Variants in ALG14 observed in about 807,000 individuals in gnomAD.
ALG14 encodes the protein ALG14 UDP-N-acetylglucosaminyltransferase subunit, also known as UDP-N-acetylglucosamine transferase subunit ALG14.
In ALG14, 17 loss-of-function variants were observed where a neutral mutation model predicts 22.8. The ratio of observed to expected loss-of-function variants is 0.75; its 90% CI spans 0.51 to 1.12. The LOEUF is 1.12. Ranked by LOEUF, ALG14 falls within the 50% of genes most tolerant of loss-of-function variation. ALG14 has a pLI of 0.00. For missense variants in ALG14, 288 were observed against 271.8 expected (o/e 1.06, Z -0.42); for synonymous variants, 89 against 103.7 (o/e 0.86, Z 0.86).
intron 3 of ALG14, among the ~76,000 whole-genome samples, chr1:95,023,621 G>A (rs1673727726): frequency 1.3e-5 from 2 of 152,134 alleles, no homozygotes; most frequent in South Asian, 2.1e-4. Flanking sequence ...GGTTGAAATG[G>A]TCCATTTCCT....
rs11165298 is a variant in ALG14, at chr1:95,072,859, C to T, written c.40G>A (p.Val14Met). 1.4e-4 allele frequency: 229 copies of T among 1,614,186 alleles called. No homozygotes were observed. In the African/African-American group the frequency reaches 2.8e-3, roughly 20 times the overall value. Residue 14 changes from valine (V) to methionine (M), a missense_variant, in exon 1 of 4, where the codon GTG becomes ATG. By Grantham distance (21) the Val-to-Met change is conservative. Coordinates refer to ENST00000370205, the MANE Select transcript of ALG14 (RefSeq NM_144988.4). ...VLVLAAAAGAVAVFLILRIWV... is the reference protein window; with the variant it reads ...VLVLAAAAGAMAVFLILRIWV... ...ATTCGCAGGATTAGGAAAACCGCCA[C>T]AGCTCCTGCGGCCGCAGCTAGAACG...
In ALG14 at chr1:94,983,084, T is replaced by C. The variant is rs1321578016; in HGVS notation, c.643A>G (p.Ile215Val). The C allele has an allele frequency of 1.2e-6, 2 of 1,613,890 alleles. No individual in the cohort carries two copies. Among genetic ancestry groups the C allele is most frequent in the African/African-American group, 2.7e-5 (2 of 74,910 alleles). The change falls in exon 4 of 4, where the codon ATT becomes GTT. Residue 215 changes from isoleucine to valine, a missense_variant. By Grantham distance (29) the Ile-to-Val change is conservative (BLOSUM62 3). Transcript: ENST00000370205. ...AAGTCAGTTGCCATTTGTCAAACAA[T>C]TCGCCCAAGGTACACCGATTTGGGA... ...KYPKSVYLGR[I>V]V
At chr1:95,013,434 C>T (rs1673424008) in intron 3 of ALG14, among the ~76,000 whole-genome samples, 2 of 152,048 alleles carry the variant, frequency 1.3e-5, no homozygotes, top group East Asian at 1.9e-4. Flanking sequence ...ATTCTCCTGC[C>T]TCAGCCTCCT....
At chr1:95,004,086 G>A (rs1000498991) in intron 3 of ALG14, among the ~76,000 whole-genome samples, 9 of 151,988 alleles carry the variant, frequency 5.9e-5, no homozygotes, top group East Asian at 1.9e-4. Context: ...AGGTGGCCAC[G>A]ATTATCCTCA....
At chr1:95,058,814 G>A (rs1675033146) in intron 2 of ALG14, among the ~76,000 whole-genome samples, 1 of 151,786 alleles carries the variant, frequency 6.6e-6, no homozygotes, top group African/African-American at 2.4e-5. Context: ...ATGTTATGAT[G>A]AGATTTAATT....
chr1:95,052,159 A>G (rs550568535), intron 2 of ALG14, among the ~76,000 whole-genome samples: 1 of 152,364 alleles, frequency 6.6e-6, no homozygotes, highest in East Asian at 1.9e-4. Context: ...GTAAACAAAC[A>G]AAAACATGAA....
At chr1:95,061,480 T>TGAGAGA (rs145444454) in intron 2 of ALG14, 13 of 148,076 alleles carry the variant, frequency 8.8e-5, no homozygotes, top group African/African-American at 2.7e-4. Flanking sequence ...CAAACAGCCT[T>TGAGAGA]GAGAGAGAGA....
chr1:95,005,967 AT>A (rs1345752914), intron 3 of ALG14, among the ~76,000 whole-genome samples: 1 of 152,038 alleles, frequency 6.6e-6, no homozygotes, highest in Non-Finnish European at 1.5e-5. Context: ...GAAAGGCAAA[AT>A]TTTTTTTGCA....
intron 3 of ALG14, among the ~76,000 whole-genome samples, chr1:94,998,034 G>A (rs912933792): frequency 2.0e-5 from 3 of 152,164 alleles, no homozygotes; most frequent in Non-Finnish European, 4.4e-5. Context: ...AGAGGTGGTG[G>A]TGGCAGAATA....
intron 2 of ALG14, among the ~76,000 whole-genome samples, chr1:95,037,844 A>C (rs1251013491): frequency 2.6e-5 from 4 of 152,186 alleles, no homozygotes; most frequent in Non-Finnish European, 5.9e-5. Flanking sequence ...CTAAGCATGG[A>C]TTCATTCACT....
At chr1:95,011,223 T>C (rs1673350949) in intron 3 of ALG14, among the ~76,000 whole-genome samples, 1 of 152,136 alleles carries the variant, frequency 6.6e-6, no homozygotes, top group African/African-American at 2.4e-5. Context: ...GATTAGGTCA[T>C]AAGGGTGGGA....
chr1:94,994,194 T>C (rs1201883941), intron 3 of ALG14, among the ~76,000 whole-genome samples: 1 of 152,230 alleles, frequency 6.6e-6, no homozygotes, highest in African/African-American at 2.4e-5. Flanking sequence ...ACCGAATCTT[T>C]TAGTTTTCCT....
intron 2 of ALG14, among the ~76,000 whole-genome samples, chr1:95,028,383 T>G (rs915215119): frequency 6.6e-6 from 1 of 152,180 alleles, no homozygotes; most frequent in East Asian, 1.9e-4. Flanking sequence ...TTTTTTTGTA[T>G]AGACAGGTTC....
chr1:95,046,595 C>T (rs1674563673), intron 2 of ALG14, among the ~76,000 whole-genome samples: 1 of 152,158 alleles, frequency 6.6e-6, no homozygotes, highest in Admixed American at 6.5e-5. Flanking sequence ...GTTGACAAGC[C>T]CTTTAATGTC....
At chr1:95,062,967 T>C (rs1675217740) in intron 2 of ALG14, among the ~76,000 whole-genome samples, 1 of 152,250 alleles carries the variant, frequency 6.6e-6, no homozygotes, top group African/African-American at 2.4e-5. Context: ...ATCTGTTGTT[T>C]CTGGACTTTT....
At chr1:95,038,195 T>C (rs761695218) in intron 2 of ALG14, among the ~76,000 whole-genome samples, 4 of 151,970 alleles carry the variant, frequency 2.6e-5, no homozygotes, top group Non-Finnish European at 4.4e-5. Flanking sequence ...ATACAAAAAA[T>C]TGGCCACGCG....
Position 95,027,178 on chromosome 1 carries a change from T to A in ALG14, c.371A>T (p.His124Leu). The A allele has an allele frequency of 6.2e-7, 1 of 1,613,972 alleles. No individual in the cohort carries two copies. The highest frequency in any genetic ancestry group is 2.2e-5 in the East Asian group (1 of 44,864). ...SWPSTVFTTL[H>L]SMWLSFPLIH... The stretch of plus-strand genomic sequence containing the variant: ...TAGGGGAAAGGAGAGCCACATGGAG[T>A]GCAAGGTGGTGAAAACGGTGGAGGG... The change falls in exon 3 of 4, where the codon CAC becomes CTC. Residue 124 changes from histidine to leucine, a missense_variant. His to Leu is a moderately conservative substitution (Grantham distance 99, BLOSUM62 -3). Transcript: ENST00000370205.
rs1672478979 is a variant in ALG14, at chr1:94,980,811, T to G, written c.*2265A>C. 1 of 152,246 alleles carries G rather than the reference T, an allele frequency of 6.6e-6. No homozygotes were observed. The highest frequency in any genetic ancestry group is 2.1e-4 in the South Asian group (1 of 4,832). 9.4% of individuals were successfully genotyped at this position (152,246 alleles called of 1,614,324 possible). A position where few individuals can be genotyped will look rare whatever the true frequency, so the allele number is the denominator to read the frequency against. On this transcript the variant is annotated 3_prime_UTR_variant, in exon 4 of 4. Transcript: ENST00000370205. The stretch of plus-strand genomic sequence containing the variant: ...GAAAGATATAACATTTCTAAACTTT[T>G]GGTGATATAACACATACACATTCTT...
At chr1:95,068,261 T>C (rs751487061) in intron 1 of ALG14, among the ~76,000 whole-genome samples, 1 of 152,162 alleles carries the variant, frequency 6.6e-6, no homozygotes, top group Non-Finnish European at 1.5e-5. Context: ...CAAAGAAAAG[T>C]AGTTTTGGCA....
Sources: allele counts gnomAD v4.1 joint callset (sites outside exome capture counted in the v4.1 genomes callset), GRCh38; gene constraint gnomAD v4.1.1; transcripts MANE v1.5; gene names NCBI Gene and HGNC (gene_info 2026-07-23, HGNC 2026-07-21).